The following MNAT1 variants were observed in gnomAD, a reference collection of about 807,000 sequenced individuals.
MNAT1 encodes MNAT1 component of CDK activating kinase, also known as CDK-activating kinase assembly factor MAT1.
MNAT1 carries 43 observed loss-of-function variants against 42.0 expected under a neutral mutation model. The ratio of observed to expected loss-of-function variants is 1.02; its 90% CI spans 0.80 to 1.32. The LOEUF is 1.32. Among genes scored for constraint, MNAT1 ranks in the 40% most tolerant of loss-of-function variants. The pLI, the probability that MNAT1 is intolerant of heterozygous loss-of-function variation, is 0.00. For missense variants in MNAT1, 306 were observed against 350.4 expected (o/e 0.87, Z 1.01); for synonymous variants, 118 against 120.0 (o/e 0.98, Z 0.11).
In MNAT1 at chr14:60,809,612, A is replaced by G. The variant is rs566265617; in HGVS notation, c.420+1184A>G. Among the ~76,000 whole-genome samples the G allele has an allele frequency of 4.0e-4, 61 of 152,232 alleles. 2 individuals are homozygous for G. Among genetic ancestry groups the G allele is most frequent in the Admixed American group, 3.3e-4 (5 of 15,290 alleles). On this transcript the variant is annotated intron_variant, in intron 4 of 7. Transcript: ENST00000261245. ...TTTATCAAAGCCTTTTCCTGCATGT[A>G]TTGATATGATTATGTGATTTTAATT...
intron 3 of MNAT1, among the ~76,000 whole-genome samples, chr14:60,799,907 A>C (rs1180453263): frequency 1.3e-5 from 2 of 152,060 alleles, no homozygotes; most frequent in Non-Finnish European, 2.9e-5. Context: ...AGACCATTTA[A>C]TTTGAAAGTG....
intron 6 of MNAT1, among the ~76,000 whole-genome samples, chr14:60,858,605 A>T (rs2034020163): frequency 6.6e-6 from 1 of 152,136 alleles, no homozygotes; most frequent in Non-Finnish European, 1.5e-5. Context: ...GCTTTCAAAC[A>T]GCATCATGTG....
intron 7 of MNAT1, among the ~76,000 whole-genome samples, chr14:60,886,130 G>C (rs543362899): frequency 6.6e-6 from 1 of 151,930 alleles, no homozygotes; most frequent in Non-Finnish European, 1.5e-5. Flanking sequence ...GTTTGTTTTT[G>C]TGTCAATACC....
chr14:60,808,548 G>A (rs1249808498), intron 4 of MNAT1, 120 bp downstream of exon 4: 1 of 637,148 alleles, frequency 1.6e-6, no homozygotes, highest in Non-Finnish European at 2.7e-6. Flanking sequence ...CTGAAATTTA[G>A]ACCAGAAATA....
At chr14:60,812,493 T>C (rs1335631145) in intron 5 of MNAT1, among the ~76,000 whole-genome samples, 2 of 152,204 alleles carry the variant, frequency 1.3e-5, no homozygotes, top group African/African-American at 4.8e-5. Flanking sequence ...CCCATCTCCA[T>C]GTTGAAGACA....
chr14:60,955,582 AC>A (rs2036473761), intron 7 of MNAT1, among the ~76,000 whole-genome samples: 1 of 152,134 alleles, frequency 6.6e-6, no homozygotes, highest in Admixed American at 6.5e-5. Context: ...AATTGCTTGA[AC>A]CCAGGAGGCG....
At chr14:60,821,321 T>A (rs1241451417) in intron 6 of MNAT1, among the ~76,000 whole-genome samples, 1 of 152,148 alleles carries the variant, frequency 6.6e-6, no homozygotes, top group Non-Finnish European at 1.5e-5. Context: ...TATATCACTA[T>A]CAGAAAGTGT....
intron 7 of MNAT1, among the ~76,000 whole-genome samples, chr14:60,967,723 C>T (rs1030765727): frequency 6.6e-6 from 1 of 152,284 alleles, no homozygotes; most frequent in South Asian, 2.1e-4. Flanking sequence ...AGGAATGAGA[C>T]AATATATTCT....
chr14:60,914,374 A>C (rs2035464817), intron 7 of MNAT1, among the ~76,000 whole-genome samples: 1 of 152,178 alleles, frequency 6.6e-6, no homozygotes, highest in Non-Finnish European at 1.5e-5. Flanking sequence ...TGAACCCGGT[A>C]GCTCAGTTGG....
intron 1 of MNAT1, among the ~76,000 whole-genome samples, chr14:60,770,563 T>C (rs2031012216): frequency 6.6e-6 from 1 of 152,232 alleles, no homozygotes; most frequent in Non-Finnish European, 1.5e-5. Context: ...TCTTAATTTA[T>C]ATATTTGTTA....
At chr14:60,795,517 A>G (rs1054157472) in intron 1 of MNAT1, among the ~76,000 whole-genome samples, 1 of 152,224 alleles carries the variant, frequency 6.6e-6, no homozygotes, top group African/African-American at 2.4e-5. Flanking sequence ...GGATGCAGGT[A>G]TCTGGGAAAC....
intron 1 of MNAT1, among the ~76,000 whole-genome samples, chr14:60,776,026 C>T (rs984332599): frequency 2.6e-5 from 4 of 152,186 alleles, no homozygotes; most frequent in African/African-American, 9.7e-5. Context: ...AATTTAGCTG[C>T]TCAGATACAG....
At chr14:60,898,220 G>A (rs948335654) in intron 7 of MNAT1, among the ~76,000 whole-genome samples, 2 of 151,674 alleles carry the variant, frequency 1.3e-5, no homozygotes, top group African/African-American at 2.4e-5. Context: ...ATTGTGAATG[G>A]TGTTGTGATG....
At chr14:60,942,916 A>G (rs1266708938) in intron 7 of MNAT1, among the ~76,000 whole-genome samples, 1 of 151,778 alleles carries the variant, frequency 6.6e-6, no homozygotes, top group Admixed American at 6.6e-5. Flanking sequence ...TAATTTACAG[A>G]TGTATTTTTA....
At chr14:60,781,096 A>G (rs2031443683) in intron 1 of MNAT1, among the ~76,000 whole-genome samples, 2 of 152,210 alleles carry the variant, frequency 1.3e-5, no homozygotes, top group Non-Finnish European at 2.9e-5. Context: ...TTTCATGCAT[A>G]ATTTTCCCTA....
chr14:60,773,731 A>C (rs1035076828), intron 1 of MNAT1, among the ~76,000 whole-genome samples: 1 of 152,236 alleles, frequency 6.6e-6, no homozygotes, highest in African/African-American at 2.4e-5. Flanking sequence ...TGTTTGAAGC[A>C]GGTGGTTCAC....
At chr14:60,762,200 T>C (rs927881437) in intron 1 of MNAT1, among the ~76,000 whole-genome samples, 4 of 152,156 alleles carry the variant, frequency 2.6e-5, no homozygotes, top group Admixed American at 6.5e-5. Flanking sequence ...CTCTCTTTGT[T>C]TAGAAATCTC....
chr14:60,858,249 T>G (rs1048970081), intron 6 of MNAT1, among the ~76,000 whole-genome samples: 3 of 152,202 alleles, frequency 2.0e-5, no homozygotes, highest in African/African-American at 7.2e-5. Context: ...GTTTCCTGAC[T>G]TTTTAATGAT....
At chr14:60,798,881 A>G (rs2139331119) in intron 3 of MNAT1, among the ~76,000 whole-genome samples, 1 of 152,304 alleles carries the variant, frequency 6.6e-6, no homozygotes, top group South Asian at 2.1e-4. Flanking sequence ...TTAGAATGAG[A>G]CTATGAGGAT....
Sources: gnomAD v4.1 joint callset for allele counts (sites outside exome capture counted in the v4.1 genomes callset) on GRCh38, gnomAD v4.1.1 for gene constraint, MANE v1.5 for transcripts, NCBI Gene and HGNC (gene_info 2026-07-23, HGNC 2026-07-21) for gene names.